FAM83B: variants seen among roughly 807,000 people sequenced by gnomAD.
FAM83B encodes protein FAM83B.
In FAM83B, 26 loss-of-function variants were observed where a neutral mutation model predicts 38.8. The ratio of observed to expected loss-of-function variants is 0.67; its 90% confidence interval spans 0.49 to 0.93. FAM83B has a LOEUF of 0.93. Among genes scored for constraint, FAM83B ranks in the 40% least tolerant of loss-of-function variants. The pLI is 0.00. For missense variants in FAM83B, 1,237 were observed against 1,197.3 expected (o/e 1.03, Z -0.49); for synonymous variants, 419 against 423.1 (o/e 0.99, Z 0.12).
At chr6:54,877,170 C>T (rs1772016723) in intron 2 of FAM83B, among the ~76,000 whole-genome samples, 1 of 152,036 alleles carries the variant, frequency 6.6e-6, no homozygotes, top group Non-Finnish European at 1.5e-5. Context: ...AGATGGTAGT[C>T]CAATAGGGAA....
chr6:54,937,139 C>T (rs1773538760), intron 4 of FAM83B, among the ~76,000 whole-genome samples: 1 of 151,408 alleles, frequency 6.6e-6, no homozygotes, highest in Non-Finnish European at 1.5e-5. Flanking sequence ...TGGAGAGTGT[C>T]TCTTTTTTCT....
At chr6:54,861,714 A>C (rs1771587761) in intron 1 of FAM83B, among the ~76,000 whole-genome samples, 1 of 152,174 alleles carries the variant, frequency 6.6e-6, no homozygotes, top group Non-Finnish European at 1.5e-5. Context: ...GTTTCCAGAC[A>C]GAAAGGTCCA....
intron 1 of FAM83B, among the ~76,000 whole-genome samples, chr6:54,865,125 G>A (rs1430497498): frequency 1.3e-5 from 2 of 152,138 alleles, no homozygotes; most frequent in Non-Finnish European, 2.9e-5. Flanking sequence ...CAGCTGTAAC[G>A]AAGTACCAAA....
chr6:54,874,831 A>T (rs374211024), intron 2 of FAM83B, among the ~76,000 whole-genome samples: 1 of 152,100 alleles, frequency 6.6e-6, no homozygotes, highest in South Asian at 2.1e-4. Context: ...GTAATTCCTG[A>T]TGCGCTCTAT....
chr6:54,936,679 C>T (rs1773530803), intron 4 of FAM83B, among the ~76,000 whole-genome samples: 1 of 150,716 alleles, frequency 6.6e-6, no homozygotes, highest in African/African-American at 2.5e-5. Context: ...GCATTCTTCC[C>T]TTTTCCATAT....
At chr6:54,867,531 T>G (rs1221808862) in intron 1 of FAM83B, among the ~76,000 whole-genome samples, 2 of 152,090 alleles carry the variant, frequency 1.3e-5, no homozygotes, top group Non-Finnish European at 2.9e-5. Context: ...TGTTGTATGT[T>G]TTGTATAATA....
chr6:54,919,841 A>G (rs1198588678), intron 2 of FAM83B, among the ~76,000 whole-genome samples: 1 of 152,012 alleles, frequency 6.6e-6, no homozygotes, highest in African/African-American at 2.4e-5. Context: ...TTGAAAACAT[A>G]GACTTTTGGA....
intron 2 of FAM83B, among the ~76,000 whole-genome samples, chr6:54,898,531 T>TGTTC (rs1181926075): frequency 6.6e-6 from 1 of 152,158 alleles, no homozygotes; most frequent in African/African-American, 2.4e-5. Context: ...CCTACCTGAG[T>TGTTC]GTTCCATAGA....
At chr6:54,875,795 A>C (rs1322106491) in intron 2 of FAM83B, among the ~76,000 whole-genome samples, 2 of 151,818 alleles carry the variant, frequency 1.3e-5, no homozygotes, top group Non-Finnish European at 2.9e-5. Flanking sequence ...AGGGAAGGAG[A>C]GAGAAAGAAA....
intron 1 of FAM83B, among the ~76,000 whole-genome samples, chr6:54,849,105 G>A (rs1300857364): frequency 6.6e-6 from 1 of 152,122 alleles, no homozygotes; most frequent in Non-Finnish European, 1.5e-5. Flanking sequence ...GAATACATCC[G>A]CTCCCCCATG....
chr6:54,908,114 C>T (rs1350177396), intron 2 of FAM83B, among the ~76,000 whole-genome samples: 2 of 142,768 alleles, frequency 1.4e-5, no homozygotes, highest in African/African-American at 5.4e-5. Flanking sequence ...AGATTTCTGC[C>T]TTCTTGGGAT....
At chr6:54,851,927 G>A (rs564806126) in intron 1 of FAM83B, among the ~76,000 whole-genome samples, 16 of 152,130 alleles carry the variant, frequency 1.1e-4, no homozygotes, top group East Asian at 1.9e-4. Context: ...GATTACAGGC[G>A]TGAGCCACCG....
intron 2 of FAM83B, among the ~76,000 whole-genome samples, chr6:54,873,747 T>G (rs75065143): frequency 1.3e-5 from 2 of 150,736 alleles, no homozygotes; most frequent in African/African-American, 4.9e-5. Flanking sequence ...TAATAAACAC[T>G]GTAAAACTCT....
At chr6:54,886,030 A>G (rs1772267269) in intron 2 of FAM83B, among the ~76,000 whole-genome samples, 1 of 152,054 alleles carries the variant, frequency 6.6e-6, no homozygotes. Flanking sequence ...AAGAGTTTTT[A>G]TCATTTTATC....
chr6:54,855,409 G>GA (rs1031907073), intron 1 of FAM83B, among the ~76,000 whole-genome samples: 1 of 152,036 alleles, frequency 6.6e-6, no homozygotes, highest in African/African-American at 2.4e-5. Context: ...CATATACGTT[G>GA]AAAAAAATAT....
chr6:54,940,976 G>T lies in FAM83B; in HGVS notation c.2005G>T (p.Asp669Tyr). The T allele has an allele frequency of 6.2e-7, 1 of 1,613,846 alleles. No homozygotes were observed. The highest frequency in any genetic ancestry group is 1.1e-5 in the South Asian group (1 of 90,998). ...LLKRRSFPLF[D>Y]NSKANLDPGN... Reference sequence around the variant, plus strand: ...TAAAAGGCGAAGTTTCCCGTTATTTGACAACTCAAAAGCCAACTTAGATCC... The same window carrying T: ...TAAAAGGCGAAGTTTCCCGTTATTTTACAACTCAAAAGCCAACTTAGATCC... The change falls in exon 5 of 5, where the codon GAC (aspartate) becomes TAC (tyrosine). Residue 669 changes from aspartate (D) to tyrosine (Y), a missense_variant. Coordinates refer to ENST00000306858, the MANE Select transcript of FAM83B (RefSeq NM_001010872.3).
chr6:54,935,397 A>G (rs1258348210), intron 4 of FAM83B, among the ~76,000 whole-genome samples: 2 of 152,166 alleles, frequency 1.3e-5, no homozygotes, highest in African/African-American at 4.8e-5. Flanking sequence ...TCAGATGGAT[A>G]CTTTGAATAG....
chr6:54,927,383 GTT>G (rs147505952), intron 3 of FAM83B, 123 bp from the exon 4 acceptor site: 4 of 611,064 alleles, frequency 6.5e-6, no homozygotes, highest in African/African-American at 1.9e-5. Context: ...ATATTTGGGA[GTT>G]TTTTTTTTAA....
At position 54,900,975 on chromosome 6, in the gene FAM83B, A is replaced by G. The variant is rs529371019; in HGVS notation, c.445-25396A>G. 4.4e-3 allele frequency among the ~76,000 whole-genome samples: 669 copies of G among 152,324 alleles called. 7 individuals are homozygous for G. Among genetic ancestry groups the G allele is most frequent in the African/African-American group, 0.015 (637 of 41,578 alleles). ...TATTCAGACATTAAAGAGTAATCATAGGTCAAAATTTAAAATTGCCTATTA... is the reference window on the plus strand; with the variant it reads ...TATTCAGACATTAAAGAGTAATCATGGGTCAAAATTTAAAATTGCCTATTA... On this transcript the variant is annotated intron_variant, in intron 2 of 4. Transcript: ENST00000306858.
Sources: gnomAD v4.1 joint callset for allele counts (sites outside exome capture counted in the v4.1 genomes callset) on GRCh38, gnomAD v4.1.1 for gene constraint, MANE v1.5 for transcripts, NCBI Gene and HGNC (gene_info 2026-07-23, HGNC 2026-07-21) for gene names.